The following NXPE4 variants were observed in gnomAD, a reference collection of about 807,000 sequenced individuals.
The protein encoded by NXPE4 is NXPE family member 4.
In NXPE4, 42 loss-of-function variants were observed where a neutral mutation model predicts 33.3. The ratio of observed to expected loss-of-function variants is 1.26; its 90% CI spans 0.98 to 1.63. The LOEUF (loss-of-function observed/expected upper bound fraction) is 1.63. Ranked by LOEUF, NXPE4 falls within the 40% of genes most tolerant of loss-of-function variation. The probability of loss-of-function intolerance (pLI) is 0.00; values close to 1 mark genes in which losing one functional copy is unlikely to be tolerated. For missense variants in NXPE4, 709 were observed against 647.6 expected, an observed-to-expected ratio of 1.09 and a Z score of -1.03; for synonymous variants, 253 against 234.9, an observed-to-expected ratio of 1.08 and a Z score of -0.71.
At chr11:114,613,354 G>T in the NXPE4 span, among the ~76,000 whole-genome samples, 1 of 151,700 alleles carries the variant, frequency 6.6e-6, no homozygotes, top group Admixed American at 6.6e-5. Flanking sequence ...ACTGCCTCGT[G>T]GATAACCACG....
At chr11:114,640,477 G>A in the NXPE4 span, among the ~76,000 whole-genome samples, 1 of 151,654 alleles carries the variant, frequency 6.6e-6, no homozygotes, top group Admixed American at 6.6e-5. Context: ...ACACCAAGTA[G>A]TGGGATTGCT....
At chr11:114,601,897 TTATATATATTA>T in the NXPE4 span, among the ~76,000 whole-genome samples, 1 of 39,396 alleles carries the variant, frequency 2.5e-5, no homozygotes, top group African/African-American at 7.0e-5. Context: ...TATATTATAT[TTATATATATTA>T]TATAATTATA....
the NXPE4 span, among the ~76,000 whole-genome samples, chr11:114,650,942 G>C: frequency 6.6e-6 from 1 of 152,048 alleles, no homozygotes; most frequent in East Asian, 1.9e-4. Context: ...AGATGGCTGA[G>C]AGCACATCAG....
the NXPE4 span, among the ~76,000 whole-genome samples, chr11:114,670,423 A>T: frequency 3.9e-5 from 6 of 152,034 alleles, no homozygotes; most frequent in Non-Finnish European, 8.8e-5. Context: ...GGCCAAGCGC[A>T]GTGGCTCACC....
intron 1 of NXPE4, 123 bp from the exon 2 acceptor site, chr11:114,594,892 C>T (rs1949545644): frequency 6.9e-6 from 4 of 583,500 alleles, no homozygotes; most frequent in Non-Finnish European, 1.2e-5. Flanking sequence ...ATAAATAACT[C>T]CCAGAAATAA....
chr11:114,608,760 T>C, the NXPE4 span, among the ~76,000 whole-genome samples: 1 of 151,676 alleles, frequency 6.6e-6, no homozygotes, highest in Non-Finnish European at 1.5e-5. Flanking sequence ...GGATAATAAG[T>C]ACTGCCTCAT....
the NXPE4 span, among the ~76,000 whole-genome samples, chr11:114,627,365 C>G: frequency 1.3e-5 from 2 of 151,984 alleles, no homozygotes; most frequent in South Asian, 4.1e-4. Flanking sequence ...GACCAATATT[C>G]AACATTCTTA....
At chr11:114,663,937 A>G in the NXPE4 span, among the ~76,000 whole-genome samples, 2 of 152,184 alleles carry the variant, frequency 1.3e-5, no homozygotes, top group South Asian at 4.1e-4. Context: ...ACTTTGGCAC[A>G]TTGCTGATGG....
chr11:114,639,222 T>C, the NXPE4 span, among the ~76,000 whole-genome samples: 6 of 151,952 alleles, frequency 3.9e-5, no homozygotes, highest in Non-Finnish European at 8.8e-5. Context: ...GATCTCAGAC[T>C]GCTGTGCGAG....
intron 2 of NXPE4, among the ~76,000 whole-genome samples, chr11:114,590,854 C>T (rs1316693446): frequency 6.6e-6 from 1 of 152,174 alleles, no homozygotes; most frequent in Non-Finnish European, 1.5e-5. Context: ...AGCAGGATTG[C>T]TGTCTTTTAT....
the NXPE4 span, among the ~76,000 whole-genome samples, chr11:114,602,070 A>G: frequency 1.0e-5 from 1 of 95,990 alleles, no homozygotes; most frequent in South Asian, 3.3e-4. Flanking sequence ...ATTATAATAT[A>G]TATTCTATAT....
At chr11:114,601,618 TATTATATATTATTTATAATTATATATA>T in the NXPE4 span, among the ~76,000 whole-genome samples, 1 of 1,900 alleles carries the variant, frequency 5.3e-4, no homozygotes. Context: ...TATAATTATA[TATTATATATTATTTATAATTATATATA>T]ATTATATATT....
chr11:114,636,713 G>A, the NXPE4 span, among the ~76,000 whole-genome samples: 6 of 151,952 alleles, frequency 3.9e-5, no homozygotes, highest in East Asian at 3.8e-4. Flanking sequence ...CCTTCATTTC[G>A]TTATGTACCC....
the NXPE4 span, among the ~76,000 whole-genome samples, chr11:114,654,682 GGT>G: frequency 1.3e-5 from 2 of 152,058 alleles, no homozygotes; most frequent in South Asian, 2.1e-4. Context: ...AGTATTCCAT[GGT>G]GTATATATAC....
At chr11:114,640,510 A>G in the NXPE4 span, among the ~76,000 whole-genome samples, 1 of 151,672 alleles carries the variant, frequency 6.6e-6, no homozygotes, top group Non-Finnish European at 1.5e-5. Context: ...AGATCTAATT[A>G]TAGTTCTTTG....
chr11:114,676,093 A>C, the NXPE4 span, among the ~76,000 whole-genome samples: 1 of 152,016 alleles, frequency 6.6e-6, no homozygotes, highest in Non-Finnish European at 1.5e-5. Flanking sequence ...ATATAAAAAA[A>C]ATCCAACTGA....
intron 2 of NXPE4, among the ~76,000 whole-genome samples, chr11:114,587,715 C>G (rs958417165): frequency 2.0e-5 from 3 of 152,206 alleles, no homozygotes; most frequent in African/African-American, 7.2e-5. Flanking sequence ...CTAGGCCTTT[C>G]CAAAGGAAAC....
chr11:114,633,274 TTA>T, the NXPE4 span, among the ~76,000 whole-genome samples: 59 of 134,472 alleles, frequency 4.4e-4, no homozygotes, highest in Non-Finnish European at 8.1e-4. Context: ...TTATATAGTA[TTA>T]TGTTATATTA....
chr11:114,570,821 G>T lies in NXPE4; in HGVS notation c.*117C>A. The stretch of plus-strand genomic sequence containing the variant: ...TGGTGGCTTATGGATCAGCCATAAT[G>T]TAGATTCTCTGCTCTTGCTAGTTGG... On this transcript the variant is annotated 3_prime_UTR_variant, in exon 6 of 6. Transcript: ENST00000375478. The T allele has an allele frequency of 1.5e-6, 1 of 665,198 alleles. No individual in the cohort carries two copies. The highest frequency in any genetic ancestry group is 2.5e-6 in the Non-Finnish European group (1 of 392,964). 41.2% of individuals were successfully genotyped at this position (665,198 alleles called of 1,614,324 possible).
Sources: allele counts gnomAD v4.1 joint callset (sites outside exome capture counted in the v4.1 genomes callset), GRCh38; gene constraint gnomAD v4.1.1; transcripts MANE v1.5; gene names NCBI Gene and HGNC (gene_info 2026-07-23, HGNC 2026-07-21).